Variants in UBR3 observed in about 807,000 individuals in gnomAD.
UBR3 encodes the protein E3 ubiquitin-protein ligase UBR3.
A neutral mutation model predicts 243.2 loss-of-function variants in UBR3; 85 were observed. That is an observed-to-expected ratio of 0.35 (90% confidence interval 0.29 to 0.42). The LOEUF (loss-of-function observed/expected upper bound fraction) is 0.42. Among genes scored for constraint, UBR3 ranks in the 10% least tolerant of loss-of-function variants. The pLI, the probability that UBR3 is intolerant of heterozygous loss-of-function variation, is 1.00. For synonymous variants in UBR3, 748 were observed against 799.8 expected, an observed-to-expected ratio of 0.94 and a Z score of 1.09; for missense variants, 1,686 against 2,300.8, an observed-to-expected ratio of 0.73 and a Z score of 5.47.
At chr2:170,043,030 T>C (rs1290102161) in intron 32 of UBR3, among the ~76,000 whole-genome samples, 1 of 152,132 alleles carries the variant, frequency 6.6e-6, no homozygotes, top group Non-Finnish European at 1.5e-5. Context: ...ATCATGCTGG[T>C]TTACTCCTGA....
In UBR3 at chr2:169,875,921, C is replaced by A; in HGVS notation, c.816C>A (p.Asn272Lys). The A allele has an allele frequency of 6.5e-7, 1 of 1,535,372 alleles. No homozygotes were observed. Among genetic ancestry groups the A allele is most frequent in the Non-Finnish European group, 8.8e-7 (1 of 1,141,040 alleles). The change falls in exon 3 of 39, where the codon AAC becomes AAA. Residue 272 changes from asparagine to lysine, a missense_variant. Asn to Lys is a moderately conservative substitution (Grantham distance 94). Around this residue, in one of 8 missense-constraint regions of UBR3, gnomAD observed 200 missense variants for 231.6 expected, o/e 0.86. Transcript: ENST00000272793. ...CTGTTCTTACTCAGGTTTTGACAAACCAACAAAACTACAAAGATCTGACTT... is the reference window on the plus strand; with the variant it reads ...CTGTTCTTACTCAGGTTTTGACAAAACAACAAAACTACAAAGATCTGACTT... ...MRSVLTQVLT[N>K]QQNYKDLTSG... is the part of the protein sequence containing the mutation.
At chr2:170,063,742 G>A (rs958410502) in intron 35 of UBR3, among the ~76,000 whole-genome samples, 1 of 151,900 alleles carries the variant, frequency 6.6e-6, no homozygotes, top group Non-Finnish European at 1.5e-5. Context: ...TTCCCACATC[G>A]ATTTATTTTT....
intron 23 of UBR3, 107 bp downstream of exon 23, chr2:169,950,172 C>CA (rs1402570977): frequency 9.8e-7 from 1 of 1,015,948 alleles, no homozygotes; most frequent in Admixed American, 3.0e-5. Flanking sequence ...CAGGAACAGT[C>CA]ATAGCTGATT....
intron 1 of UBR3, among the ~76,000 whole-genome samples, chr2:169,852,864 A>AC (rs2082706278): frequency 6.9e-6 from 1 of 145,328 alleles, no homozygotes; most frequent in Non-Finnish European, 1.5e-5. Flanking sequence ...AAAAAAAAAA[A>AC]AAAAAAAAAA....
intron 1 of UBR3, among the ~76,000 whole-genome samples, chr2:169,837,906 A>G (rs1173421680): frequency 6.6e-6 from 1 of 152,232 alleles, no homozygotes; most frequent in Non-Finnish European, 1.5e-5. Flanking sequence ...TGTCACCTCT[A>G]TCACAGACCA....
chr2:170,068,896 A>G (rs771103650), intron 35 of UBR3, among the ~76,000 whole-genome samples: 58 of 152,218 alleles, frequency 3.8e-4, no homozygotes, highest in Non-Finnish European at 1.5e-4. Context: ...ACAAATTACT[A>G]AAACTGACTC....
chr2:169,862,353 A>G (rs1316768271), intron 1 of UBR3, among the ~76,000 whole-genome samples: 4 of 152,152 alleles, frequency 2.6e-5, no homozygotes, highest in Admixed American at 6.5e-5. Context: ...AGTCCTTCCT[A>G]TTAGCGATGT....
At chr2:169,856,367 G>A (rs2082863065) in intron 1 of UBR3, among the ~76,000 whole-genome samples, 1 of 151,200 alleles carries the variant, frequency 6.6e-6, no homozygotes, top group Non-Finnish European at 1.5e-5. Context: ...CCGGGCAGAG[G>A]GGCTCCTCAC....
At chr2:170,009,894 T>C (rs2090034152) in intron 29 of UBR3, among the ~76,000 whole-genome samples, 1 of 152,102 alleles carries the variant, frequency 6.6e-6, no homozygotes, top group Non-Finnish European at 1.5e-5. Context: ...ATGGCTATTC[T>C]CTCTGGTCCA....
chr2:169,986,946 C>T (rs1022670641), intron 25 of UBR3, 152 bp downstream of exon 25: 21 of 793,474 alleles, frequency 2.6e-5, no homozygotes, highest in Middle Eastern at 3.9e-4. Context: ...GATTCTTTAT[C>T]GGTTATATCT....
At chr2:170,041,746 T>G (rs2090972907) in intron 32 of UBR3, among the ~76,000 whole-genome samples, 1 of 152,228 alleles carries the variant, frequency 6.6e-6, no homozygotes, top group South Asian at 2.1e-4. Context: ...AAAGTCTTGT[T>G]CCTGGGGAAG....
At chr2:169,953,713 T>A (rs1024022938) in intron 23 of UBR3, among the ~76,000 whole-genome samples, 1 of 152,208 alleles carries the variant, frequency 6.6e-6, no homozygotes, top group Non-Finnish European at 1.5e-5. Flanking sequence ...CATTTGAGGT[T>A]TTCTTATGTT....
At chr2:169,930,879 C>T (rs187273850) in intron 18 of UBR3, among the ~76,000 whole-genome samples, 2 of 152,280 alleles carry the variant, frequency 1.3e-5, no homozygotes, top group African/African-American at 4.8e-5. Context: ...CTCTGTCCTG[C>T]TATCTACTTG....
intron 33 of UBR3, among the ~76,000 whole-genome samples, chr2:170,056,469 A>T (rs556268421): frequency 7.5e-4 from 115 of 152,336 alleles, no homozygotes; most frequent in Non-Finnish European, 1.2e-3. Flanking sequence ...GCTTGAGAAC[A>T]AATGAGATAC....
In UBR3 at chr2:169,902,511, G is replaced by A. The variant is rs1475614483; in HGVS notation, c.1466-2603G>A. Among the ~76,000 whole-genome samples, 9 of 150,930 alleles carry A rather than the reference G, an allele frequency of 6.0e-5. 1 individual carries two copies. The South Asian group carries it at 6.3e-4, about 11-fold the overall frequency. On this transcript the variant is annotated intron_variant, in intron 8 of 38. Coordinates refer to ENST00000272793, the MANE Select transcript of UBR3 (RefSeq NM_172070.4). The stretch of plus-strand genomic sequence containing the variant: ...TTTTCTTAGGTACTGCTCCTTCCGC[G>A]TATAGCACCATCTGCTCCACCATCA...
At chr2:169,831,425 C>T (rs184810313) in intron 1 of UBR3, among the ~76,000 whole-genome samples, 25 of 151,866 alleles carry the variant, frequency 1.6e-4, no homozygotes, top group African/African-American at 5.3e-4. Flanking sequence ...GCTGGGATTA[C>T]AGGCATGAGC....
At chr2:169,911,839 A>T (rs2085265228) in intron 10 of UBR3, among the ~76,000 whole-genome samples, 1 of 152,190 alleles carries the variant, frequency 6.6e-6, no homozygotes, top group Admixed American at 6.5e-5. Flanking sequence ...ATGATAACTT[A>T]TAAGTGCCAT....
At chr2:169,936,691 G>T (rs1368780832) in intron 19 of UBR3, among the ~76,000 whole-genome samples, 2 of 151,528 alleles carry the variant, frequency 1.3e-5, no homozygotes, top group Non-Finnish European at 2.9e-5. Flanking sequence ...CCCACAACAG[G>T]GCCCGGTGTG....
intron 5 of UBR3, among the ~76,000 whole-genome samples, chr2:169,888,263 C>T (rs2084189283): frequency 1.3e-5 from 2 of 151,704 alleles, no homozygotes; most frequent in African/African-American, 4.8e-5. Flanking sequence ...CTCAGCCTGC[C>T]GAGTAGCTGG....
Sources: gnomAD v4.1 joint callset for allele counts (sites outside exome capture counted in the v4.1 genomes callset) on GRCh38, gnomAD v4.1.1 for gene constraint, gnomAD v4.1.1 regional missense constraint, MANE v1.5 for transcripts, NCBI Gene and HGNC (gene_info 2026-07-23, HGNC 2026-07-21) for gene names.